LPAR4: variants seen among roughly 807,000 people sequenced by gnomAD.
The protein encoded by LPAR4 is G-protein coupled receptor 23.
Under a neutral mutation model 9.2 loss-of-function variants are expected in LPAR4, and 14 were observed. That is an observed-to-expected ratio of 1.51 (90% CI 1.00 to 2.37). LPAR4 has a LOEUF of 2.37. Ranked by LOEUF, LPAR4 falls within the 30% of genes most tolerant of loss-of-function variation. LPAR4 has a pLI of 0.00. For synonymous variants in LPAR4, 131 were observed against 97.9 expected (o/e 1.34, Z -1.99); for missense variants, 251 against 272.1 (o/e 0.92, Z 0.55).
rs1226684837 is a variant in LPAR4, at chrX:78,755,207, T to C, written c.338T>C (p.Ile113Thr). 8.3e-7 allele frequency: 1 copy of C among 1,208,964 alleles called. No individual in the cohort carries two copies. Among genetic ancestry groups the C allele is most frequent in the Non-Finnish European group, 1.1e-6 (1 of 894,332 alleles). ...CCTTTTGGTGACACCCTCTGCAAGA[T>C]CTCTGGAACTGCATTCCTTACCAAC... ...HWPFGDTLCK[I>T]SGTAFLTNIY... is the part of the protein sequence containing the mutation. The change falls in exon 5 of 5, where the codon ATC becomes ACC. Residue 113 changes from isoleucine to threonine, a missense_variant. Ile to Thr is a moderately conservative substitution (Grantham distance 89). Coordinates refer to ENST00000614823, the MANE Select transcript of LPAR4 (RefSeq NM_001278000.3).
chrX:78,747,785 A>G lies in LPAR4; in HGVS notation c.-544A>G, dbSNP rs1924896838. ...ATTCAAGAGAGGGAGTCGTTAACAA[A>G]GGGAAAGAGATAAATGTAAATAAGC... is the stretch of plus-strand genomic sequence containing the variant. On this transcript the variant is annotated 5_prime_UTR_variant, in exon 1 of 5. Coordinates refer to ENST00000614823, the MANE Select transcript of LPAR4 (RefSeq NM_001278000.3). 9.2e-6 allele frequency: 1 copy of G among 108,166 alleles called. No homozygotes were observed. Among genetic ancestry groups the G allele is most frequent in the South Asian group, 4.2e-4 (1 of 2,371 alleles). 8.9% of individuals were successfully genotyped at this position (108,166 alleles called of 1,213,427 possible).
At chrX:78,754,257 AT>A in intron 4 of LPAR4, among the ~76,000 whole-genome samples, 1 of 111,992 alleles carries the variant, frequency 8.9e-6, no homozygotes, top group East Asian at 2.8e-4. Flanking sequence ...GGGGAGATCT[AT>A]TTGAAATGTA....
In LPAR4 at chrX:78,755,811, C is replaced by A; in HGVS notation, c.942C>A (p.Thr314=). The A allele has an allele frequency of 8.3e-7, 1 of 1,209,616 alleles. No homozygotes were observed. The highest frequency in any genetic ancestry group is 1.8e-5 in the South Asian group (1 of 56,941). The change falls in exon 5 of 5, where the codon ACC becomes ACA. Residue 314 remains threonine, a synonymous_variant. Coordinates refer to ENST00000614823, the MANE Select transcript of LPAR4 (RefSeq NM_001278000.3). ...CCFDPFIYYF[T]LESFQKSFYI... Reference sequence around the variant, plus strand: ...TTGACCCTTTCATCTATTACTTCACCCTTGAATCCTTTCAGAAGTCCTTCT... The same window carrying A: ...TTGACCCTTTCATCTATTACTTCACACTTGAATCCTTTCAGAAGTCCTTCT...
chrX:78,755,096 T>C lies in LPAR4; in HGVS notation c.227T>C (p.Ile76Thr), dbSNP rs776013091. 3 of 1,208,430 alleles carry C rather than the reference T, an allele frequency of 2.5e-6. No homozygotes were observed. The African/African-American group carries it at 5.2e-5, about 21-fold the overall frequency. ...FRMKMRSETA[I>T]FITNLAVSDL... is the part of the protein sequence containing the mutation. ...ATGAAAATGAGAAGTGAGACTGCTA[T>C]TTTTATCACCAATCTAGCTGTCTCT... The change falls in exon 5 of 5, where the codon ATT (isoleucine) becomes ACT (threonine). Residue 76 changes from isoleucine (I) to threonine (T), a missense_variant. Physicochemically the swap from Ile to Thr is moderately conservative, Grantham distance 89. Coordinates refer to ENST00000614823, the MANE Select transcript of LPAR4 (RefSeq NM_001278000.3).
intron 4 of LPAR4, among the ~76,000 whole-genome samples, 197 bp from the exon 5 acceptor site, chrX:78,754,594 A>G (rs1167434892): frequency 9.0e-6 from 1 of 111,649 alleles, no homozygotes; most frequent in Non-Finnish European, 1.9e-5. Context: ...CACTTATTGT[A>G]TTGAGTGTGA....
chrX:78,757,615 T>C lies in LPAR4; in HGVS notation c.*1633T>C, dbSNP rs746204810. Reference sequence around the variant, plus strand: ...TTAAGAATATTAGAACTTGTAAATATAACTTCTGAGCTTGAAAGATGCTAC... The same window carrying C: ...TTAAGAATATTAGAACTTGTAAATACAACTTCTGAGCTTGAAAGATGCTAC... On this transcript the variant is annotated 3_prime_UTR_variant, in exon 5 of 5. Coordinates refer to ENST00000614823, the MANE Select transcript of LPAR4 (RefSeq NM_001278000.3). 1.8e-5 allele frequency among the ~76,000 whole-genome samples: 2 copies of C among 112,005 alleles called. No individual in the cohort carries two copies. The highest frequency in any genetic ancestry group is 5.6e-4 in the East Asian group (2 of 3,599).
chrX:78,757,656 A>G lies in LPAR4; in HGVS notation c.*1674A>G, dbSNP rs778503233. Among the ~76,000 whole-genome samples the G allele has an allele frequency of 8.9e-6, 1 of 111,837 alleles. No individual in the cohort carries two copies. The highest frequency in any genetic ancestry group is 2.8e-4 in the East Asian group (1 of 3,598). On this transcript the variant is annotated 3_prime_UTR_variant, in exon 5 of 5. Transcript: ENST00000614823. Reference sequence around the variant, plus strand: ...AAGATGCTACATTTGTGCTCAAGTCAGGAGCAGTGGAAATAAACCCTCGTA... The same window carrying G: ...AAGATGCTACATTTGTGCTCAAGTCGGGAGCAGTGGAAATAAACCCTCGTA...
At position 78,756,099 on chromosome X, in the gene LPAR4, A is replaced by C; in HGVS notation, c.*117A>C. ...TAATGCACCAAATCCAGTCAGATAC[A>C]TTTGTTTGAAGGTATACTGTAGAGT... On this transcript the variant is annotated 3_prime_UTR_variant, in exon 5 of 5. Transcript: ENST00000614823. 1.7e-6 allele frequency: 1 copy of C among 605,525 alleles called. No homozygotes were observed. The highest frequency in any genetic ancestry group is 3.5e-5 in the Admixed American group (1 of 28,357). The allele number at this position is 605,525 out of a possible 1,213,427, so 49.9% of individuals were successfully genotyped here.
rs1211041894 is a variant in LPAR4, at chrX:78,756,013, G to A, written c.*31G>A. 1.8e-6 allele frequency: 2 copies of A among 1,123,874 alleles called. No individual in the cohort carries two copies. The highest frequency in any genetic ancestry group is 1.8e-5 in the African/African-American group (1 of 55,180). The allele number at this position is 1,123,874 out of a possible 1,213,427, so 92.6% of individuals were successfully genotyped here. ...AGAAATGTGTTCAGGTCCAGATATG[G>A]TTTCTCCTATAATTTTTCCTATGCT... On this transcript the variant is annotated 3_prime_UTR_variant, in exon 5 of 5. Coordinates refer to ENST00000614823, the MANE Select transcript of LPAR4 (RefSeq NM_001278000.3).
In LPAR4 at chrX:78,755,224, C is replaced by T; in HGVS notation, c.355C>T (p.Leu119Phe). Residue 119 changes from leucine to phenylalanine, a missense_variant, in exon 5 of 5, where the codon CTT (leucine) becomes TTT (phenylalanine). Coordinates refer to ENST00000614823, the MANE Select transcript of LPAR4 (RefSeq NM_001278000.3). ...CTGCAAGATCTCTGGAACTGCATTC[C>T]TTACCAACATCTATGGGAGCATGCT... ...TLCKISGTAFLTNIYGSMLFL... is the reference protein window; with the variant it reads ...TLCKISGTAFFTNIYGSMLFL... 8.3e-7 allele frequency: 1 copy of T among 1,211,177 alleles called. No individual in the cohort carries two copies. Among genetic ancestry groups the T allele is most frequent in the South Asian group, 1.8e-5 (1 of 56,962 alleles).
At chrX:78,750,336 T>C (rs1299524600) in intron 2 of LPAR4, 113 bp downstream of exon 2, 1 of 111,657 alleles carries the variant, frequency 9.0e-6, no homozygotes, top group Non-Finnish European at 1.9e-5. Context: ...TGCTTTGTTT[T>C]AGGCTACCTC....
chrX:78,751,549 G>C (rs1460291645), intron 4 of LPAR4, among the ~76,000 whole-genome samples: 1 of 110,644 alleles, frequency 9.0e-6, no homozygotes, highest in African/African-American at 3.3e-5. Context: ...TCTGCCACTG[G>C]GATTTACCTT....
In LPAR4 at chrX:78,755,982, G is replaced by C; in HGVS notation, c.1113G>C (p.Ter371TyrextTer2). 8.4e-7 allele frequency: 1 copy of C among 1,194,547 alleles called. No homozygotes were observed. Among genetic ancestry groups the C allele is most frequent in the East Asian group, 3.0e-5 (1 of 33,723 alleles). ...GGELMLESTF[*>Y] ...AATTAATGCTAGAATCCACCTTTTA[G>C]GTATGAGAAATGTGTTCAGGTCCAG... is the stretch of plus-strand genomic sequence containing the variant. Residue 371 changes from the stop codon to tyrosine (Y), a stop_lost, in exon 5 of 5, where the codon TAG becomes TAC. Coordinates refer to ENST00000614823, the MANE Select transcript of LPAR4 (RefSeq NM_001278000.3).
At position 78,757,321 on chromosome X, in the gene LPAR4, A is replaced by T. The variant is rs1925349044; in HGVS notation, c.*1339A>T. 9.0e-6 allele frequency among the ~76,000 whole-genome samples: 1 copy of T among 111,215 alleles called. No individual in the cohort carries two copies. The highest frequency in any genetic ancestry group is 3.3e-5 in the African/African-American group (1 of 30,717). ...AAGTTGTGGGAAAAAAAGGTCAAAAATCAAACTGCGATAAAACAAACAAAA... is the reference window on the plus strand; with the variant it reads ...AAGTTGTGGGAAAAAAAGGTCAAAATTCAAACTGCGATAAAACAAACAAAA... On this transcript the variant is annotated 3_prime_UTR_variant, in exon 5 of 5. Coordinates refer to ENST00000614823, the MANE Select transcript of LPAR4 (RefSeq NM_001278000.3).
intron 1 of LPAR4, 117 bp downstream of exon 1, chrX:78,748,151 C>T (rs1924918934): frequency 9.0e-6 from 1 of 111,239 alleles, no homozygotes; most frequent in African/African-American, 3.3e-5. Context: ...TAGACTTCAA[C>T]TCTGAAGTAC....
intron 4 of LPAR4, among the ~76,000 whole-genome samples, chrX:78,752,332 A>G (rs186718906): frequency 3.6e-5 from 4 of 112,092 alleles, no homozygotes; most frequent in Non-Finnish European, 5.6e-5. Flanking sequence ...GAACACTGAT[A>G]TAAAACCTGT....
chrX:78,751,814 A>C (rs186689855), intron 4 of LPAR4, among the ~76,000 whole-genome samples: 199 of 110,779 alleles, frequency 1.8e-3, no homozygotes, highest in African/African-American at 5.9e-3. Flanking sequence ...ATTTTATAAT[A>C]TTAGGTTGAG....
At chrX:78,749,544 G>C (rs73493854) in intron 1 of LPAR4, among the ~76,000 whole-genome samples, 1,321 of 111,120 alleles carry the variant, frequency 0.012, 17 homozygotes, top group African/African-American at 0.041. Context: ...AGGTGGGAAG[G>C]GTTGAGGGTT....
intron 4 of LPAR4, among the ~76,000 whole-genome samples, 198 bp downstream of exon 4, chrX:78,751,509 A>G (rs757929804): frequency 1.8e-4 from 20 of 111,388 alleles, no homozygotes; most frequent in Non-Finnish European, 3.2e-4. Flanking sequence ...TTTGATGAAG[A>G]TGAATATTGA....
Sources: allele counts gnomAD v4.1 joint callset (sites outside exome capture counted in the v4.1 genomes callset), GRCh38; gene constraint gnomAD v4.1.1; transcripts MANE v1.5; gene names NCBI Gene and HGNC (gene_info 2026-07-23, HGNC 2026-07-21).